TYW1B: variants seen among roughly 807,000 people sequenced by gnomAD.
TYW1B encodes S-adenosyl-L-methionine-dependent tRNA 4-demethylwyosine synthase TYW1B.
TYW1B carries 73 observed loss-of-function variants against 86.9 expected under a neutral mutation model. The ratio of observed to expected loss-of-function variants is 0.84; its 90% CI spans 0.70 to 1.02. The LOEUF (loss-of-function observed/expected upper bound fraction) is 1.02. Ranked by LOEUF, TYW1B falls within the 50% of genes least tolerant of loss-of-function variation. TYW1B has a pLI of 0.00. For missense variants in TYW1B, 637 were observed against 827.4 expected, an observed-to-expected ratio of 0.77 and a Z score of 2.82; for synonymous variants, 248 against 292.8, an observed-to-expected ratio of 0.85 and a Z score of 1.56.
intron 13 of TYW1B, among the ~76,000 whole-genome samples, chr7:72,608,994 A>G (rs1811866723): frequency 6.6e-6 from 1 of 152,200 alleles, no homozygotes; most frequent in Non-Finnish European, 1.5e-5. Flanking sequence ...AAATCTGAAT[A>G]AGGTCTATGG....
chr7:72,616,929 A>C, intron 12 of TYW1B, 90 bp from the exon 13 acceptor site: 1 of 1,532,380 alleles, frequency 6.5e-7, no homozygotes, highest in Non-Finnish European at 8.9e-7. Flanking sequence ...TCTTGAGGTC[A>C]ACCAATGCAA....
intron 11 of TYW1B, among the ~76,000 whole-genome samples, chr7:72,631,700 G>A (rs538558253): frequency 3.9e-5 from 6 of 152,090 alleles, no homozygotes; most frequent in African/African-American, 1.2e-4. Flanking sequence ...GGAAACCTAA[G>A]AGAATCAACT....
intron 3 of TYW1B, among the ~76,000 whole-genome samples, chr7:72,815,167 C>T (rs1326843238): frequency 1.3e-5 from 2 of 151,662 alleles, no homozygotes; most frequent in Non-Finnish European, 1.5e-5. Flanking sequence ...GAATTTAACA[C>T]ACCTGAAGAA....
intron 10 of TYW1B, among the ~76,000 whole-genome samples, chr7:72,703,457 T>G (rs1554453089): frequency 1.3e-5 from 2 of 152,200 alleles, no homozygotes; most frequent in African/African-American, 4.8e-5. Flanking sequence ...TGTGTTCAGA[T>G]ATCATGCTCT....
chr7:72,594,147 AAAT>A (rs1811471541), intron 13 of TYW1B, among the ~76,000 whole-genome samples: 1 of 152,076 alleles, frequency 6.6e-6, no homozygotes, highest in African/African-American at 2.4e-5. Flanking sequence ...TAGCAGAAGG[AAAT>A]AATAAAGATT....
intron 8 of TYW1B, among the ~76,000 whole-genome samples, chr7:72,741,982 T>C (rs563490806): frequency 9.2e-5 from 14 of 152,086 alleles, no homozygotes; most frequent in Non-Finnish European, 2.1e-4. Flanking sequence ...CGATAAATGC[T>C]AAAGGGAGTC....
intron 6 of TYW1B, among the ~76,000 whole-genome samples, chr7:72,787,299 C>T (rs181221974): frequency 6.6e-5 from 10 of 151,776 alleles, no homozygotes; most frequent in Admixed American, 4.6e-4. Context: ...CCCGTCTCTA[C>T]AAAAAATACA....
At chr7:72,791,929 G>A (rs1460453283) in intron 6 of TYW1B, among the ~76,000 whole-genome samples, 11 of 152,134 alleles carry the variant, frequency 7.2e-5, no homozygotes, top group Non-Finnish European at 1.6e-4. Flanking sequence ...TCAACCTGAG[G>A]ATGGTCTAAG....
chr7:72,782,543 T>C (rs1788066545), intron 6 of TYW1B, among the ~76,000 whole-genome samples: 1 of 152,164 alleles, frequency 6.6e-6, no homozygotes, highest in Non-Finnish European at 1.5e-5. Context: ...TGATCCTTTT[T>C]TACCATCAGG....
At chr7:72,618,825 T>G (rs1290056626) in intron 12 of TYW1B, among the ~76,000 whole-genome samples, 1 of 152,208 alleles carries the variant, frequency 6.6e-6, no homozygotes, top group Non-Finnish European at 1.5e-5. Context: ...GAAATCCTTG[T>G]GTTTGCAGGA....
intron 13 of TYW1B, among the ~76,000 whole-genome samples, chr7:72,582,802 G>A (rs1369856506): frequency 6.6e-6 from 1 of 152,174 alleles, no homozygotes; most frequent in African/African-American, 2.4e-5. Flanking sequence ...ATGGCAGAGA[G>A]TTTGAGAGTT....
chr7:72,660,995 C>T (rs1469754116), intron 11 of TYW1B, among the ~76,000 whole-genome samples: 142 of 148,900 alleles, frequency 9.5e-4, no homozygotes, highest in African/African-American at 3.3e-3. Context: ...ATTAGCTAGG[C>T]GTGGTGGCAC....
At chr7:72,719,523 C>T (rs1219528266) in intron 9 of TYW1B, among the ~76,000 whole-genome samples, 2 of 145,470 alleles carry the variant, frequency 1.4e-5, no homozygotes, top group African/African-American at 2.5e-5. Context: ...CCTAGCTATT[C>T]GGGAGGCTGA....
chr7:72,819,689 T>A (rs1460994616), intron 2 of TYW1B, among the ~76,000 whole-genome samples: 1 of 152,076 alleles, frequency 6.6e-6, no homozygotes, highest in Non-Finnish European at 1.5e-5. Flanking sequence ...TGCCTTGGCC[T>A]CCCAAAGTGC....
At chr7:72,625,885 G>T (rs1363823719) in intron 12 of TYW1B, among the ~76,000 whole-genome samples, 2 of 110,568 alleles carry the variant, frequency 1.8e-5, no homozygotes, top group African/African-American at 3.5e-5. Context: ...AAGGAGGGGG[G>T]AGAGGTGGGG....
intron 7 of TYW1B, among the ~76,000 whole-genome samples, chr7:72,749,439 A>G (rs1457969370): frequency 4.0e-5 from 6 of 151,888 alleles, no homozygotes; most frequent in Admixed American, 2.0e-4. Context: ...GACTACAGGC[A>G]CCCACCACCA....
chr7:72,747,717 T>C (rs531182920), intron 7 of TYW1B, among the ~76,000 whole-genome samples: 3 of 152,220 alleles, frequency 2.0e-5, no homozygotes, highest in South Asian at 2.1e-4. Context: ...AAAAGTCTTA[T>C]TGGTATTTTT....
intron 11 of TYW1B, among the ~76,000 whole-genome samples, chr7:72,690,264 G>C (rs782427879): frequency 1.3e-5 from 2 of 151,970 alleles, no homozygotes; most frequent in Non-Finnish European, 2.9e-5. Flanking sequence ...ACTGCTAAAA[G>C]CTGGCAGTGT....
chr7:72,638,126 C>CAT (rs1812716663), intron 11 of TYW1B, among the ~76,000 whole-genome samples: 1 of 150,358 alleles, frequency 6.7e-6, no homozygotes, highest in African/African-American at 2.4e-5. Context: ...TGATAAGCAG[C>CAT]ATAATGGTAA....
Sources: gnomAD v4.1 joint callset for allele counts (sites outside exome capture counted in the v4.1 genomes callset) on GRCh38, gnomAD v4.1.1 for gene constraint, MANE v1.5 for transcripts, NCBI Gene and HGNC (gene_info 2026-07-23, HGNC 2026-07-21) for gene names.